Variants in ITGB6 observed in about 807,000 individuals in gnomAD.
The protein encoded by ITGB6 is integrin beta-6.
Under a neutral mutation model 84.5 loss-of-function variants are expected in ITGB6, and 80 were observed. The observed-to-expected ratio is 0.95, with a 90% CI of 0.79 to 1.14. The LOEUF (loss-of-function observed/expected upper bound fraction) is 1.14, where lower values mean the gene tolerates loss of function less well. ITGB6 is among the 50% of genes most tolerant of loss of function. The probability of loss-of-function intolerance (pLI) is 0.00; values close to 1 mark genes in which losing one functional copy is unlikely to be tolerated. For missense variants in ITGB6, 1,006 were observed against 968.0 expected (o/e 1.04, Z -0.52); for synonymous variants, 383 against 354.9 (o/e 1.08, Z -0.89).
chr2:160,199,316 T>G, intron 1 of ITGB6, 58 bp from the exon 2 acceptor site: 2 of 1,241,918 alleles, frequency 1.6e-6, no homozygotes, highest in Non-Finnish European at 2.4e-6. Context: ...ATTCCATTTA[T>G]GAGACTGATG....
chr2:160,164,450 G>A (rs943471420), intron 7 of ITGB6, among the ~76,000 whole-genome samples: 2 of 152,158 alleles, frequency 1.3e-5, no homozygotes, highest in Non-Finnish European at 2.9e-5. Flanking sequence ...CCAGCACTTT[G>A]GGAGGCCAAG....
rs147984029 is a variant in ITGB6, at chr2:160,199,609, C to T, written c.62-351G>A. Among the ~76,000 whole-genome samples the T allele has an allele frequency of 4.5e-4, 69 of 152,270 alleles. No individual in the cohort carries two copies. In the East Asian group the frequency reaches 0.012, roughly 27 times the overall value. On this transcript the variant is annotated intron_variant, in intron 1 of 14. Coordinates refer to ENST00000283249, the MANE Select transcript of ITGB6 (RefSeq NM_000888.5). ...AATTACTTGCAACCATTAAAAAATG[C>T]TTCTTTCTTAAACAAGTTATTTCTG...
chr2:160,166,332 C>T, intron 7 of ITGB6, among the ~76,000 whole-genome samples: 1 of 152,166 alleles, frequency 6.6e-6, no homozygotes, highest in East Asian at 1.9e-4. Flanking sequence ...ATAATTATTG[C>T]TATTAACTTC....
intron 7 of ITGB6, among the ~76,000 whole-genome samples, chr2:160,158,242 G>A (rs796874791): frequency 1.8e-4 from 27 of 152,260 alleles, no homozygotes; most frequent in Admixed American, 5.2e-4. Flanking sequence ...CTAGGTTGTC[G>A]GCATCGGAAC....
chr2:160,182,587 G>A (rs1685724376), intron 4 of ITGB6, among the ~76,000 whole-genome samples: 1 of 152,162 alleles, frequency 6.6e-6, no homozygotes, highest in Non-Finnish European at 1.5e-5. Context: ...TTATCCAGGA[G>A]AACTTCCCCA....
Position 160,103,053 on chromosome 2 carries a change from A to C in ITGB6, c.2269-1219T>G, listed in dbSNP as rs191486632. ...CCCCCAGGGCTTTGGTACACTTAAC[A>C]TTTCTAAGCCCATTACTGAGTATGT... On this transcript the variant is annotated intron_variant, in intron 14 of 14. Coordinates refer to ENST00000283249, the MANE Select transcript of ITGB6 (RefSeq NM_000888.5). Among the ~76,000 whole-genome samples the C allele has an allele frequency of 3.3e-4, 50 of 152,272 alleles. 1 individual carries two copies. The East Asian group carries it at 9.6e-3, about 29-fold the overall frequency.
At chr2:160,151,131 A>G (rs1684398550) in intron 7 of ITGB6, among the ~76,000 whole-genome samples, 1 of 152,146 alleles carries the variant, frequency 6.6e-6, no homozygotes, top group Non-Finnish European at 1.5e-5. Context: ...CCCCAAATCA[A>G]GAGAATATAC....
chr2:160,184,877 A>G (rs1217496626), intron 4 of ITGB6, among the ~76,000 whole-genome samples: 3 of 152,210 alleles, frequency 2.0e-5, no homozygotes, highest in Non-Finnish European at 1.5e-5. Flanking sequence ...AAAGACAAAA[A>G]TCACATGATT....
Position 160,100,815 on chromosome 2 carries a change from A to G in ITGB6, c.*921T>C, listed in dbSNP as rs1231973871. 2.0e-5 allele frequency: 3 copies of G among 152,150 alleles called. No individual in the cohort carries two copies. In the East Asian group the frequency reaches 5.8e-4, roughly 29 times the overall value. 9.4% of individuals were successfully genotyped at this position (152,150 alleles called of 1,614,324 possible). On this transcript the variant is annotated 3_prime_UTR_variant, in exon 15 of 15. Coordinates refer to ENST00000283249, the MANE Select transcript of ITGB6 (RefSeq NM_000888.5). The stretch of plus-strand genomic sequence containing the variant: ...TTGATTTAGAGCCATTTAAAATTTT[A>G]TTGTGTTTAACACATGTTCCTTTTA...
chr2:160,190,771 A>G lies in ITGB6; in HGVS notation c.593+4598T>C, dbSNP rs558372421. On this transcript the variant is annotated intron_variant, in intron 4 of 14. Coordinates refer to ENST00000283249, the MANE Select transcript of ITGB6 (RefSeq NM_000888.5). ...GACAGGGTCTCATTGTTAGTTCAAG[A>G]TGCTGGGATACTAGTTTAGCTGAGC... 4.6e-5 allele frequency among the ~76,000 whole-genome samples: 7 copies of G among 152,322 alleles called. No individual in the cohort carries two copies. The South Asian group carries it at 1.2e-3, about 27-fold the overall frequency.
At chr2:160,139,569 G>A (rs578126718) in intron 8 of ITGB6, among the ~76,000 whole-genome samples, 1 of 152,150 alleles carries the variant, frequency 6.6e-6, no homozygotes, top group Non-Finnish European at 1.5e-5. Context: ...AGAAGACTGT[G>A]ACAGCAATTA....
At chr2:160,179,329 T>A (rs373367316) in intron 4 of ITGB6, among the ~76,000 whole-genome samples, 1 of 151,942 alleles carries the variant, frequency 6.6e-6, no homozygotes, top group Non-Finnish European at 1.5e-5. Context: ...TACTCATATA[T>A]GTTTATGTGT....
intron 10 of ITGB6, among the ~76,000 whole-genome samples, chr2:160,128,457 A>G (rs1265120135): frequency 6.6e-6 from 1 of 152,208 alleles, no homozygotes; most frequent in Non-Finnish European, 1.5e-5. Flanking sequence ...GGCTGAAGGA[A>G]GAGCTTCTAT....
intron 11 of ITGB6, among the ~76,000 whole-genome samples, chr2:160,124,246 TG>T (rs1295136348): frequency 6.6e-6 from 1 of 152,228 alleles, no homozygotes; most frequent in Non-Finnish European, 1.5e-5. Flanking sequence ...TCCTAAAATA[TG>T]ATTAGAGACT....
At chr2:160,162,854 AG>A (rs1476587926) in intron 7 of ITGB6, among the ~76,000 whole-genome samples, 1 of 152,182 alleles carries the variant, frequency 6.6e-6, no homozygotes, top group African/African-American at 2.4e-5. Flanking sequence ...TCCTGACCTC[AG>A]GTGATCCACC....
intron 7 of ITGB6, among the ~76,000 whole-genome samples, chr2:160,147,640 GTAAC>G: frequency 6.6e-6 from 1 of 152,162 alleles, no homozygotes; most frequent in Admixed American, 6.5e-5. Context: ...TCAGACAAAT[GTAAC>G]AGAATAGAGA....
At chr2:160,108,927 C>T (rs1305376834) in intron 13 of ITGB6, among the ~76,000 whole-genome samples, 4 of 152,068 alleles carry the variant, frequency 2.6e-5, no homozygotes, top group Non-Finnish European at 4.4e-5. Flanking sequence ...TTATGTTCTC[C>T]TCTTACTTTC....
chr2:160,199,231 G>C lies in ITGB6; in HGVS notation c.89C>G (p.Thr30Ser), dbSNP rs933060964. Residue 30 changes from threonine to serine, a missense_variant, in exon 2 of 15, where the codon ACC becomes AGC. Transcript: ENST00000283249. ...TCCAATAAGCAGGCAGTCTTCACAG[G>C]TTTCTGCACCTCCCAGGGCACAGCC... ...QGGCALGGAETCEDCLLIGPQ... is the reference protein window; with the variant it reads ...QGGCALGGAESCEDCLLIGPQ... 1 of 1,613,932 alleles carries C rather than the reference G, an allele frequency of 6.2e-7. No individual in the cohort carries two copies. Among genetic ancestry groups the C allele is most frequent in the Non-Finnish European group, 8.5e-7 (1 of 1,179,976 alleles).
At chr2:160,132,589 T>C (rs1336584323) in intron 10 of ITGB6, among the ~76,000 whole-genome samples, 4 of 152,166 alleles carry the variant, frequency 2.6e-5, no homozygotes, top group African/African-American at 9.6e-5. Flanking sequence ...TCTGCTTACA[T>C]AGTGTGAAGA....
Sources: allele counts gnomAD v4.1 joint callset (sites outside exome capture counted in the v4.1 genomes callset), GRCh38; gene constraint gnomAD v4.1.1; transcripts MANE v1.5; gene names NCBI Gene and HGNC (gene_info 2026-07-23, HGNC 2026-07-21).